The following PATL1 variants were observed in gnomAD, a reference collection of about 807,000 sequenced individuals.
PATL1 encodes PAT1 homolog 1, processing body mRNA decay factor.
A neutral mutation model predicts 100.6 loss-of-function variants in PATL1; 32 were observed. The ratio of observed to expected loss-of-function variants is 0.32; its 90% confidence interval spans 0.24 to 0.43. The LOEUF (loss-of-function observed/expected upper bound fraction) is 0.43. PATL1 is among the 20% of genes least tolerant of loss of function. The pLI, the probability that PATL1 is intolerant of heterozygous loss-of-function variation, is 1.00. For synonymous variants in PATL1, 332 were observed against 330.0 expected (o/e 1.01, Z -0.07); for missense variants, 747 against 949.9 (o/e 0.79, Z 2.81).
Position 59,649,504 on chromosome 11 carries a change from C to G in PATL1, c.1691G>C (p.Ser564Thr). 6.2e-7 allele frequency: 1 copy of G among 1,613,876 alleles called. No homozygotes were observed. Among genetic ancestry groups the G allele is most frequent in the Non-Finnish European group, 8.5e-7 (1 of 1,179,854 alleles). The change falls in exon 14 of 19, where the codon AGC becomes ACC. Residue 564 changes from serine to threonine, a missense_variant. Physicochemically the swap from Ser to Thr is moderately conservative, Grantham distance 58 (BLOSUM62 1). Around this residue, in one of 4 missense-constraint regions of PATL1, gnomAD observed 434 missense variants for 596.1 expected, o/e 0.73. Coordinates refer to ENST00000300146, the MANE Select transcript of PATL1 (RefSeq NM_152716.3). ...TTTCCCCCTTAAGTTGTCATACATG[C>G]TACAAATTTTGTGCTTTCTGTCATC... ...LMDDRKHKIC[S>T]MYDNLRGKLP...
chr11:59,640,676 C>T (rs369806969), intron 16 of PATL1, among the ~76,000 whole-genome samples: 38 of 151,376 alleles, frequency 2.5e-4, no homozygotes, highest in East Asian at 2.0e-3. Context: ...GCTGCGATCG[C>T]GCCACTGCAC....
intron 2 of PATL1, among the ~76,000 whole-genome samples, chr11:59,666,435 C>T (rs1029196342): frequency 1.3e-5 from 2 of 152,078 alleles, no homozygotes; most frequent in Non-Finnish European, 2.9e-5. Context: ...AATTTTGAAA[C>T]ACATATACCC....
intron 15 of PATL1, among the ~76,000 whole-genome samples, chr11:59,645,976 G>A (rs1355910914): frequency 1.1e-4 from 17 of 152,178 alleles, no homozygotes; most frequent in Non-Finnish European, 2.5e-4. Context: ...ATTTAGCCAA[G>A]CTTTCCTCCT....
Position 59,659,843 on chromosome 11 carries a change from A to G in PATL1, c.128-374T>C, listed in dbSNP as rs1296676789. 2.6e-5 allele frequency among the ~76,000 whole-genome samples: 4 copies of G among 152,302 alleles called. No homozygotes were observed. In the East Asian group the frequency reaches 5.8e-4, roughly 22 times the overall value. On this transcript the variant is annotated intron_variant, in intron 2 of 18. Coordinates refer to ENST00000300146, the MANE Select transcript of PATL1 (RefSeq NM_152716.3). The stretch of plus-strand genomic sequence containing the variant: ...GCATGAGCCACCACGCCCGGCCTAC[A>G]CAATTCTTCTGCTAAGCAAATGAAT...
chr11:59,656,899 T>C (rs1304134843), intron 5 of PATL1, among the ~76,000 whole-genome samples: 1 of 152,180 alleles, frequency 6.6e-6, no homozygotes, highest in Non-Finnish European at 1.5e-5. Flanking sequence ...TCCAAGAGGA[T>C]ATATTTTGGT....
At position 59,636,801 on chromosome 11, in the gene PATL1, T is replaced by G. The variant is rs2134731734; in HGVS notation, c.*1589A>C. The G allele has an allele frequency of 6.6e-6, 1 of 152,312 alleles. No individual in the cohort carries two copies. The highest frequency in any genetic ancestry group is 2.1e-4 in the South Asian group (1 of 4,812). 9.4% of individuals were successfully genotyped at this position (152,312 alleles called of 1,614,324 possible). A position where few individuals can be genotyped will look rare whatever the true frequency, so the allele number is the denominator to read the frequency against. ...TTTTATTTTCATTAATTAGAACCAA[T>G]CCAAACAAAAAAGATAAAGCACAGT... On this transcript the variant is annotated 3_prime_UTR_variant, in exon 19 of 19. Transcript: ENST00000300146.
At chr11:59,640,832 C>A (rs892496332) in intron 16 of PATL1, among the ~76,000 whole-genome samples, 2 of 151,946 alleles carry the variant, frequency 1.3e-5, no homozygotes, top group Non-Finnish European at 2.9e-5. Flanking sequence ...GAGTTCGAGA[C>A]CAGCCAGAGC....
chr11:59,647,477 C>A (rs550491941), intron 15 of PATL1, among the ~76,000 whole-genome samples: 1 of 152,118 alleles, frequency 6.6e-6, no homozygotes, highest in Non-Finnish European at 1.5e-5. Context: ...GAATTATCTA[C>A]GCAAGTAATT....
intron 8 of PATL1, 72 bp from the exon 9 acceptor site, chr11:59,654,144 T>C: frequency 5.4e-6 from 7 of 1,305,866 alleles, no homozygotes; most frequent in Non-Finnish European, 7.8e-6. Context: ...ATGTTGTCAG[T>C]AGAGGATAAC....
intron 2 of PATL1, among the ~76,000 whole-genome samples, chr11:59,664,868 GCT>G (rs1861667090): frequency 1.3e-5 from 2 of 152,160 alleles, no homozygotes; most frequent in South Asian, 2.1e-4. Context: ...ACCACAAATA[GCT>G]TATTGTGTCC....
At chr11:59,649,120 T>C (rs1196467531) in intron 14 of PATL1, among the ~76,000 whole-genome samples, 1 of 152,194 alleles carries the variant, frequency 6.6e-6, no homozygotes, top group Non-Finnish European at 1.5e-5. Context: ...ATATAAAGAT[T>C]ACAAGGTTAA....
At position 59,651,527 on chromosome 11, in the gene PATL1, A is replaced by G. The variant is rs998549214; in HGVS notation, c.1524+17T>C. The G allele has an allele frequency of 1.9e-6, 3 of 1,581,114 alleles. No individual in the cohort carries two copies. The African/African-American group carries it at 4.1e-5, about 21-fold the overall frequency. On this transcript the variant is annotated intron_variant, in intron 12 of 18. Transcript: ENST00000300146. ...CAAATCAGACGTTCTTAAACAGACA[A>G]TTGTGTTGACACTTACATCATCCTC...
At chr11:59,657,484 C>T in intron 5 of PATL1, 46 bp downstream of exon 5, 1 of 1,419,552 alleles carries the variant, frequency 7.0e-7, no homozygotes, top group East Asian at 2.4e-5. Context: ...ATAATTTTGC[C>T]CAGATTCCCA....
chr11:59,649,713 T>C (rs1861414480), intron 13 of PATL1, 103 bp from the exon 14 acceptor site: 2 of 1,220,134 alleles, frequency 1.6e-6, no homozygotes, highest in Non-Finnish European at 2.2e-6. Context: ...ACAAACTCAT[T>C]ATAGAAAGAC....
In PATL1 at chr11:59,668,892, A is replaced by G; in HGVS notation, c.4T>C (p.Phe2Leu). MFRYESLEDCPL... is the reference protein window; with the variant it reads MLRYESLEDCPL... ...TCGCAACAGCTCACCTCGTAGCGGA[A>G]CATTCTTGGGGAGGGGGGCAGGGAG... The change falls in exon 1 of 19, where the codon TTC becomes CTC. Residue 2 changes from phenylalanine (F) to leucine (L), a missense_variant. By Grantham distance (22) the Phe-to-Leu change is conservative. Around this residue, in one of 4 missense-constraint regions of PATL1, gnomAD observed 183 missense variants for 221.2 expected, o/e 0.83. Coordinates refer to ENST00000300146, the MANE Select transcript of PATL1 (RefSeq NM_152716.3). 1.8e-6 allele frequency: 2 copies of G among 1,138,038 alleles called. No homozygotes were observed. Among genetic ancestry groups the G allele is most frequent in the Non-Finnish European group, 2.4e-6 (2 of 848,008 alleles). 70.5% of individuals were successfully genotyped at this position (1,138,038 alleles called of 1,614,324 possible). A position where few individuals can be genotyped will look rare whatever the true frequency, so the allele number is the denominator to read the frequency against.
At chr11:59,643,178 A>G in intron 15 of PATL1, 143 bp from the exon 16 acceptor site, 4 of 864,982 alleles carry the variant, frequency 4.6e-6, no homozygotes, top group Non-Finnish European at 6.9e-6. Context: ...AGTCTTAATA[A>G]TGAATTCTAA....
At chr11:59,662,538 TATTTA>T in intron 2 of PATL1, among the ~76,000 whole-genome samples, 1 of 152,230 alleles carries the variant, frequency 6.6e-6, no homozygotes, top group Non-Finnish European at 1.5e-5. Flanking sequence ...TGAAAGAAAA[TATTTA>T]AAGAATAATG....
chr11:59,645,376 A>AC, intron 15 of PATL1, among the ~76,000 whole-genome samples: 1 of 143,656 alleles, frequency 7.0e-6, no homozygotes, highest in Middle Eastern at 3.4e-3. Flanking sequence ...GGTGCCCCTC[A>AC]CTTCCCCCCC....
chr11:59,646,537 AC>A (rs1861368403), intron 15 of PATL1, among the ~76,000 whole-genome samples: 1 of 152,012 alleles, frequency 6.6e-6, no homozygotes, highest in Non-Finnish European at 1.5e-5. Flanking sequence ...TTTCAATGAG[AC>A]CTAAACTTCT....
Sources: allele counts gnomAD v4.1 joint callset (sites outside exome capture counted in the v4.1 genomes callset), GRCh38; gene constraint gnomAD v4.1.1; regional missense constraint gnomAD v4.1.1; transcripts MANE v1.5; gene names NCBI Gene and HGNC (gene_info 2026-07-23, HGNC 2026-07-21).